ZNF521: variants seen among roughly 807,000 people sequenced by gnomAD.
The protein encoded by ZNF521 is LYST-interacting protein 3.
ZNF521 carries 14 observed loss-of-function variants against 105.5 expected under a neutral mutation model. The observed-to-expected ratio is 0.13, with a 90% confidence interval of 0.09 to 0.21. The LOEUF (loss-of-function observed/expected upper bound fraction) is 0.21. Ranked by LOEUF, ZNF521 falls within the 10% of genes least tolerant of loss-of-function variation. The pLI, the probability that ZNF521 is intolerant of heterozygous loss-of-function variation, is 1.00. For synonymous variants in ZNF521, 635 were observed against 606.0 expected, an observed-to-expected ratio of 1.05 and a Z score of -0.70; for missense variants, 1,233 against 1,629.7, an observed-to-expected ratio of 0.76 and a Z score of 4.19.
At chr18:25,263,238 T>C (rs1449882612) in intron 3 of ZNF521, among the ~76,000 whole-genome samples, 1 of 152,172 alleles carries the variant, frequency 6.6e-6, no homozygotes, top group Non-Finnish European at 1.5e-5. Flanking sequence ...TCCCAGTGCC[T>C]GGCACGTGGG....
intron 3 of ZNF521, among the ~76,000 whole-genome samples, chr18:25,240,949 A>T (rs903954116): frequency 9.4e-5 from 5 of 53,308 alleles, no homozygotes; most frequent in South Asian, 6.5e-4. Context: ...CCAGATATTA[A>T]AAAAAAAAAA....
intron 5 of ZNF521, among the ~76,000 whole-genome samples, chr18:25,104,369 G>C (rs994546831): frequency 4.6e-5 from 7 of 152,174 alleles, no homozygotes; most frequent in African/African-American, 1.4e-4. Flanking sequence ...GTTTTGCCTT[G>C]CATGATATGT....
At chr18:25,182,841 C>T (rs1352291828) in intron 5 of ZNF521, among the ~76,000 whole-genome samples, 2 of 152,020 alleles carry the variant, frequency 1.3e-5, no homozygotes, top group Admixed American at 6.6e-5. Context: ...TCTGAACAAA[C>T]GACCAGTCTT....
rs1044974805 is a variant in ZNF521 at position 25,352,114 on chromosome 18, C to G, written c.-111G>C. ...GGCTCCAGAGGGGGCCCCTAACCCG[C>G]AGGGACTCGCTCTGTACGTAATCAC... On this transcript the variant is annotated 5_prime_UTR_variant, in exon 1 of 8. Transcript: ENST00000361524. The G allele has an allele frequency of 1.5e-5, 7 of 478,036 alleles. No individual in the cohort carries two copies. Among genetic ancestry groups the G allele is most frequent in the African/African-American group, 4.0e-5 (2 of 50,330 alleles). 29.6% of individuals were successfully genotyped at this position (478,036 alleles called of 1,614,324 possible).
At chr18:25,180,173 A>G (rs934119256) in intron 5 of ZNF521, among the ~76,000 whole-genome samples, 1 of 152,226 alleles carries the variant, frequency 6.6e-6, no homozygotes, top group African/African-American at 2.4e-5. Flanking sequence ...TAAAAGACAC[A>G]TGCACATGTA....
chr18:25,319,283 C>T (rs1912805789), intron 3 of ZNF521, among the ~76,000 whole-genome samples: 1 of 152,066 alleles, frequency 6.6e-6, no homozygotes, highest in Admixed American at 6.6e-5. Context: ...AAATTATGAA[C>T]TTGCAATAGA....
chr18:25,249,320 T>A (rs1458219832), intron 3 of ZNF521, among the ~76,000 whole-genome samples: 1 of 151,780 alleles, frequency 6.6e-6, no homozygotes, highest in African/African-American at 2.4e-5. Flanking sequence ...CATGCCCGGC[T>A]AATATTTTTT....
chr18:25,282,270 C>T (rs1249063525), intron 3 of ZNF521, among the ~76,000 whole-genome samples: 1 of 151,874 alleles, frequency 6.6e-6, no homozygotes, highest in African/African-American at 2.4e-5. Flanking sequence ...GCCTTTGGAG[C>T]CAGGTAGGAA....
At chr18:25,064,354 G>A (rs1402714529) in intron 7 of ZNF521, among the ~76,000 whole-genome samples, 1 of 152,238 alleles carries the variant, frequency 6.6e-6, no homozygotes, top group Non-Finnish European at 1.5e-5. Flanking sequence ...CCGGAGACAT[G>A]AGCAGAGAGT....
At chr18:25,085,900 T>C (rs1053390694) in intron 7 of ZNF521, among the ~76,000 whole-genome samples, 6 of 152,060 alleles carry the variant, frequency 3.9e-5, no homozygotes, top group Non-Finnish European at 7.4e-5. Flanking sequence ...CATAGTGATG[T>C]TGATGGTCAA....
At chr18:25,109,105 G>A (rs974133126) in intron 5 of ZNF521, among the ~76,000 whole-genome samples, 7 of 151,272 alleles carry the variant, frequency 4.6e-5, no homozygotes, top group African/African-American at 1.5e-4. Context: ...TAACCCTCAC[G>A]CCCCCAACCC....
intron 5 of ZNF521, among the ~76,000 whole-genome samples, chr18:25,187,639 G>T (rs1382866065): frequency 1.3e-5 from 2 of 152,142 alleles, no homozygotes; most frequent in Non-Finnish European, 2.9e-5. Flanking sequence ...TGTGGGGACT[G>T]CAGTTGAGAG....
At chr18:25,329,898 T>G (rs1032191984) in intron 2 of ZNF521, among the ~76,000 whole-genome samples, 1 of 110,086 alleles carries the variant, frequency 9.1e-6, no homozygotes, top group Non-Finnish European at 2.1e-5. Context: ...GAAAACTAAG[T>G]CAACGGCAGA....
chr18:25,198,126 T>C (rs1489726904), intron 4 of ZNF521, among the ~76,000 whole-genome samples: 1 of 151,198 alleles, frequency 6.6e-6, no homozygotes, highest in Non-Finnish European at 1.5e-5. Context: ...TAAAAGAGAC[T>C]TTTTTTTTCA....
At chr18:25,338,171 C>A (rs1913993948) in intron 2 of ZNF521, among the ~76,000 whole-genome samples, 1 of 151,744 alleles carries the variant, frequency 6.6e-6, no homozygotes, top group Non-Finnish European at 1.5e-5. Flanking sequence ...AATCGGCCGT[C>A]CAGAGTACCG....
intron 3 of ZNF521, among the ~76,000 whole-genome samples, chr18:25,278,824 C>T (rs1482966460): frequency 6.6e-6 from 1 of 152,168 alleles, no homozygotes; most frequent in Non-Finnish European, 1.5e-5. Flanking sequence ...TTGCTTGCCA[C>T]TGTGAATAGT....
chr18:25,195,201 T>C lies in ZNF521; in HGVS notation c.3617A>G (p.Asn1206Ser), dbSNP rs762950891. ...AACATGAACCTGAATATCCCATTCA[T>C]TGTAGAAAACCATCTGACACTTGAT... ...QCIKCQMVFY[N>S]EWDIQVHVAN... is the part of the protein sequence containing the mutation. Residue 1206 changes from asparagine (N) to serine (S), a missense_variant, in exon 5 of 8, where the codon AAT becomes AGT. Asn to Ser is a conservative substitution (Grantham distance 46, BLOSUM62 1). Coordinates refer to ENST00000361524, the MANE Select transcript of ZNF521 (RefSeq NM_015461.3). The C allele has an allele frequency of 6.3e-6, 10 of 1,599,986 alleles. 1 individual carries two copies. In the South Asian group the frequency reaches 9.0e-5, roughly 14 times the overall value.
intron 5 of ZNF521, among the ~76,000 whole-genome samples, chr18:25,121,303 C>T (rs369667107): frequency 1.2e-3 from 171 of 143,210 alleles, no homozygotes; most frequent in African/African-American, 4.2e-3. Flanking sequence ...GACAAAGTCT[C>T]GCTCTGTTGC....
chr18:25,117,068 C>T (rs2034339827), intron 5 of ZNF521, among the ~76,000 whole-genome samples: 1 of 12,568 alleles, frequency 8.0e-5, no homozygotes, highest in African/African-American at 1.0e-4. Flanking sequence ...CACACACACA[C>T]ACACACACAC....
Sources: gnomAD v4.1 joint callset for allele counts (sites outside exome capture counted in the v4.1 genomes callset) on GRCh38, gnomAD v4.1.1 for gene constraint, MANE v1.5 for transcripts, NCBI Gene and HGNC (gene_info 2026-07-23, HGNC 2026-07-21) for gene names.